GLB1: variants seen among roughly 807,000 people sequenced by gnomAD.
GLB1 encodes beta-galactosidase.
A neutral mutation model predicts 74.0 loss-of-function variants in GLB1; 56 were observed. The ratio of observed to expected loss-of-function variants is 0.76; its 90% CI spans 0.61 to 0.94. The LOEUF is 0.94. GLB1 is among the 40% of genes least tolerant of loss of function. The pLI, the probability that GLB1 is intolerant of heterozygous loss-of-function variation, is 0.00. For missense variants in GLB1, 787 were observed against 845.5 expected, an observed-to-expected ratio of 0.93 and a Z score of 0.86; for synonymous variants, 323 against 323.6, an observed-to-expected ratio of 1.00 and a Z score of 0.02.
chr3:33,024,628 G>A (rs1419841728), intron 10 of GLB1, among the ~76,000 whole-genome samples: 1 of 152,110 alleles, frequency 6.6e-6, no homozygotes, highest in Non-Finnish European at 1.5e-5. Flanking sequence ...CTAGGGGAGT[G>A]GGAGGAAAAA....
chr3:33,043,655 A>T (rs73059124), intron 10 of GLB1, among the ~76,000 whole-genome samples: 9,080 of 138,462 alleles, frequency 0.066, 373 homozygotes, highest in Non-Finnish European at 0.095. Context: ...TAAATATATC[A>T]GTTAAAAGAC....
At chr3:33,092,515 G>A in intron 1 of GLB1, 1 of 1,109,930 alleles carries the variant, frequency 9.0e-7, no homozygotes, top group Non-Finnish European at 1.1e-6. Flanking sequence ...ACCCCGAGGG[G>A]AGGTTCATCC....
the GLB1 span, among the ~76,000 whole-genome samples, chr3:32,964,244 T>C: frequency 6.6e-6 from 1 of 152,230 alleles, no homozygotes; most frequent in Admixed American, 6.5e-5. Flanking sequence ...TTCCTCCTAA[T>C]TGTTTTGATG....
the GLB1 span, among the ~76,000 whole-genome samples, chr3:32,962,899 C>CAA: frequency 2.0e-5 from 3 of 152,004 alleles, no homozygotes; most frequent in Non-Finnish European, 1.5e-5. Flanking sequence ...CAATGTTATT[C>CAA]TTCAAGACAT....
At chr3:33,067,289 C>G (rs1699723594) in intron 4 of GLB1, among the ~76,000 whole-genome samples, 1 of 152,058 alleles carries the variant, frequency 6.6e-6, no homozygotes, top group Non-Finnish European at 1.5e-5. Flanking sequence ...AGGCATGAGC[C>G]ACTACGCCCG....
chr3:33,092,764 C>T, intron 1 of GLB1: 1 of 1,520,438 alleles, frequency 6.6e-7, no homozygotes, highest in Non-Finnish European at 8.8e-7. Flanking sequence ...GAAAAGCAGG[C>T]AAACCACTCT....
chr3:33,090,794 A>G (rs1700724649), intron 1 of GLB1: 4 of 985,432 alleles, frequency 4.1e-6, no homozygotes, highest in African/African-American at 1.7e-5. Flanking sequence ...TCTCAGATAC[A>G]TAGGATGGAC....
Position 33,014,218 on chromosome 3 carries a change from C to G in GLB1, c.1572G>C (p.Leu524=), listed in dbSNP as rs765957868. 6.2e-6 allele frequency: 10 copies of G among 1,614,054 alleles called. No individual in the cohort carries two copies. The highest frequency in any genetic ancestry group is 1.3e-5 in the African/African-American group (1 of 74,916). Residue 524 remains leucine (L), a synonymous_variant, in exon 15 of 16, where the codon CTG becomes CTC. Coordinates refer to ENST00000307363, the MANE Select transcript of GLB1 (RefSeq NM_000404.4). ...LDTEDAVCSH[L]GGWGHRDSGH... ...CACTGTCACGGTGTCCCCAGCCCCC[C>G]AGGTGGCTGCACACTGCATCCTCAG...
At chr3:33,031,151 C>A (rs1357562144) in intron 10 of GLB1, among the ~76,000 whole-genome samples, 1 of 152,128 alleles carries the variant, frequency 6.6e-6, no homozygotes, top group African/African-American at 2.4e-5. Flanking sequence ...AAATATATTG[C>A]CCATCACCAC....
the GLB1 span, among the ~76,000 whole-genome samples, chr3:32,991,384 G>C: frequency 6.6e-6 from 1 of 152,158 alleles, no homozygotes; most frequent in African/African-American, 2.4e-5. Context: ...GAAATGGATG[G>C]AAATACACAA....
chr3:33,070,301 G>T (rs1699844387), intron 2 of GLB1, among the ~76,000 whole-genome samples: 1 of 152,114 alleles, frequency 6.6e-6, no homozygotes, highest in Non-Finnish European at 1.5e-5. Flanking sequence ...GAGGTGCTCT[G>T]TGGAAGGGGA....
the GLB1 span, among the ~76,000 whole-genome samples, chr3:32,962,237 C>G: frequency 2.6e-5 from 4 of 151,194 alleles, no homozygotes; most frequent in East Asian, 7.7e-4. Flanking sequence ...CCAAGGGGAG[C>G]CTAAGGAGAC....
chr3:32,988,526 T>C, the GLB1 span, among the ~76,000 whole-genome samples: 1 of 152,352 alleles, frequency 6.6e-6, no homozygotes, highest in East Asian at 1.9e-4. Flanking sequence ...ATCTGAATTC[T>C]TGAGATGGGT....
intron 9 of GLB1, 77 bp from the exon 10 acceptor site, chr3:33,046,309 A>C (rs1698738321): frequency 1.5e-5 from 23 of 1,532,640 alleles, no homozygotes; most frequent in Non-Finnish European, 2.0e-5. Context: ...CCATGAGCTC[A>C]GCACTGTAGA....
chr3:33,055,255 C>T (rs35546490), intron 6 of GLB1, among the ~76,000 whole-genome samples: 15,210 of 152,172 alleles, frequency 0.1, 857 homozygotes, highest in Non-Finnish European at 0.12. Context: ...GACAGTCACG[C>T]TGTCACCTCA....
At chr3:33,036,061 C>G (rs1304316873) in intron 10 of GLB1, among the ~76,000 whole-genome samples, 1 of 152,148 alleles carries the variant, frequency 6.6e-6, no homozygotes, top group East Asian at 1.9e-4. Context: ...AACTAGAGAT[C>G]ATGAAAGATC....
intron 1 of GLB1, among the ~76,000 whole-genome samples, chr3:33,095,149 T>C (rs1404079539): frequency 7.8e-6 from 1 of 128,106 alleles, no homozygotes; most frequent in Non-Finnish European, 1.6e-5. Flanking sequence ...AGGTGGAAGT[T>C]GTAGTGAGCC....
chr3:33,074,389 G>GAAGGAAGGAAGAAAGAAAGAAAGAAAGA (rs1553612831), intron 1 of GLB1, among the ~76,000 whole-genome samples: 2 of 38,918 alleles, frequency 5.1e-5, no homozygotes, highest in Non-Finnish European at 9.4e-5. Flanking sequence ...AGGAAGGAAG[G>GAAGGAAGGAAGAAAGAAAGAAAGAAAGA]AAGAAAGAAA....
At chr3:33,024,541 C>A in intron 10 of GLB1, 1 of 535,902 alleles carries the variant, frequency 1.9e-6, no homozygotes, top group Non-Finnish European at 3.3e-6. Flanking sequence ...CAGGAATATC[C>A]AAATAATTAT....
Sources: allele counts gnomAD v4.1 joint callset (sites outside exome capture counted in the v4.1 genomes callset), GRCh38; gene constraint gnomAD v4.1.1; transcripts MANE v1.5; gene names NCBI Gene and HGNC (gene_info 2026-07-23, HGNC 2026-07-21).